The following TMEM269 variants were observed in gnomAD, a reference collection of about 807,000 sequenced individuals.
TMEM269 encodes the protein transmembrane protein 269.
A neutral mutation model predicts 15.8 loss-of-function variants in TMEM269; 12 were observed. The observed-to-expected ratio is 0.76, with a 90% CI of 0.49 to 1.23. TMEM269 has a LOEUF of 1.23. Ranked by LOEUF, TMEM269 falls within the 50% of genes most tolerant of loss-of-function variation. The pLI, the probability that TMEM269 is intolerant of heterozygous loss-of-function variation, is 0.00. For missense variants in TMEM269, 211 were observed against 245.4 expected (o/e 0.86, Z 0.94); for synonymous variants, 93 against 99.3 (o/e 0.94, Z 0.38).
chr1:42,789,347 A>G, intron 1 of TMEM269: 1 of 1,194,216 alleles, frequency 8.4e-7, no homozygotes, highest in Non-Finnish European at 1.2e-6. Flanking sequence ...AGAAGGAGTG[A>G]ACTTGGACTG....
Position 42,794,614 on chromosome 1 carries a change from G to A in TMEM269, c.484+1G>A. 6.5e-7 allele frequency: 1 copy of A among 1,548,652 alleles called. No homozygotes were observed. The highest frequency in any genetic ancestry group is 8.7e-7 in the Non-Finnish European group (1 of 1,145,138). On this transcript the variant is annotated splice_donor_variant, in intron 5 of 5. Coordinates refer to ENST00000637012, the MANE Select transcript of TMEM269 (RefSeq NM_001354602.2). LOFTEE classifies it high-confidence loss of function. ...TGGAAAAAATTGGTTTATATAGGAG[G>A]TGAGTGAAAATGTCACTATGGCCAG...
chr1:42,785,910 TACAC>T, intron 1 of TMEM269, among the ~76,000 whole-genome samples: 1 of 152,342 alleles, frequency 6.6e-6, no homozygotes, highest in East Asian at 1.9e-4. Flanking sequence ...CACTTGTCCC[TACAC>T]ACAGCTGCCT....
Position 42,797,036 on chromosome 1 carries a change from T to G in TMEM269, c.485-1062T>G, listed in dbSNP as rs1485883317. Among the ~76,000 whole-genome samples the G allele has an allele frequency of 4.6e-5, 7 of 152,104 alleles. No homozygotes were observed. Among genetic ancestry groups the G allele is most frequent in the Non-Finnish European group, 1.5e-5 (1 of 68,030 alleles). On this transcript the variant is annotated intron_variant, in intron 5 of 5. Coordinates refer to ENST00000637012, the MANE Select transcript of TMEM269 (RefSeq NM_001354602.2). This position sits in a 1 kb window ranked among gnomAD's most constrained non-coding sequence, Gnocchi z 4.9. ...CTGTTTCTTCTTATGAAAAACAGACTTAGTTCTAAACCACGGGATTATTGT... is the reference window on the plus strand; with the variant it reads ...CTGTTTCTTCTTATGAAAAACAGACGTAGTTCTAAACCACGGGATTATTGT...
chr1:42,787,790 G>T (rs1653572625), intron 1 of TMEM269, among the ~76,000 whole-genome samples: 1 of 152,198 alleles, frequency 6.6e-6, no homozygotes, highest in Admixed American at 6.5e-5. Context: ...CAGCAGCAAT[G>T]CTTGACAGGT....
chr1:42,786,532 A>G (rs1424936749), intron 1 of TMEM269, among the ~76,000 whole-genome samples: 1 of 152,212 alleles, frequency 6.6e-6, no homozygotes, highest in Admixed American at 6.5e-5. Context: ...CTGGCATACC[A>G]AACGCAGGAG....
In TMEM269 at chr1:42,798,329, A is replaced by G; in HGVS notation, c.*104A>G. 7.2e-7 allele frequency: 1 copy of G among 1,398,276 alleles called. No individual in the cohort carries two copies. Among genetic ancestry groups the G allele is most frequent in the South Asian group, 1.3e-5 (1 of 75,950 alleles). 86.6% of individuals were successfully genotyped at this position (1,398,276 alleles called of 1,614,324 possible). On this transcript the variant is annotated 3_prime_UTR_variant, in exon 6 of 6. Coordinates refer to ENST00000637012, the MANE Select transcript of TMEM269 (RefSeq NM_001354602.2). ...GCTTTGTATGTACCTGTGTTGCCAT[A>G]TACTAGATATATGGTATGTCTGTTG...
Position 42,786,700 on chromosome 1 carries a change from C to T in TMEM269, c.-99+1618C>T, listed in dbSNP as rs144173248. ...GGTGCTCCATTAGTAGCCCGGTCGCCTCTTTTCTGTGCAGGGTTAGGTACT... is the reference window on the plus strand; with the variant it reads ...GGTGCTCCATTAGTAGCCCGGTCGCTTCTTTTCTGTGCAGGGTTAGGTACT... On this transcript the variant is annotated intron_variant, in intron 1 of 5. Transcript: ENST00000637012. Among the ~76,000 whole-genome samples the T allele has an allele frequency of 3.1e-4, 47 of 152,324 alleles. 2 individuals are homozygous for T. In the Middle Eastern group the frequency reaches 0.027, roughly 88 times the overall value.
At chr1:42,789,341 G>A in intron 1 of TMEM269, 1 of 1,096,744 alleles carries the variant, frequency 9.1e-7, no homozygotes, top group Non-Finnish European at 1.3e-6. Context: ...TGCTTCAGAA[G>A]GAGTGAACTT....
rs903040217 is a variant in TMEM269, at chr1:42,797,358, C to G, written c.485-740C>G. ...AGAGTCCTCTCCCAGTAGAGTCACA[C>G]GAGATGCACTTAATTCCTCAGCACT... On this transcript the variant is annotated intron_variant, in intron 5 of 5. Transcript: ENST00000637012. This position sits in a 1 kb window ranked among gnomAD's most constrained non-coding sequence, Gnocchi z 4.9. Among the ~76,000 whole-genome samples the G allele has an allele frequency of 6.6e-6, 1 of 152,106 alleles. No individual in the cohort carries two copies. Among genetic ancestry groups the G allele is most frequent in the East Asian group, 1.9e-4 (1 of 5,196 alleles).
intron 1 of TMEM269, 143 bp downstream of exon 1, chr1:42,785,225 A>ACCACGTCCCATCCCCAGAGGC (rs1653517897): frequency 6.6e-6 from 1 of 152,166 alleles, no homozygotes; most frequent in Non-Finnish European, 1.5e-5. Flanking sequence ...GGGCCAGGGG[A>ACCACGTCCCATCCCCAGAGGC]CCACGTCCCA....
At chr1:42,791,281 T>G (rs1192031880) in intron 2 of TMEM269, among the ~76,000 whole-genome samples, 1 of 152,182 alleles carries the variant, frequency 6.6e-6, no homozygotes. Flanking sequence ...CATCCAACCA[T>G]GCAGAGTACA....
chr1:42,796,189 TCTC>T (rs1447472845), intron 5 of TMEM269, among the ~76,000 whole-genome samples: 2 of 152,180 alleles, frequency 1.3e-5, no homozygotes, highest in South Asian at 2.1e-4. Flanking sequence ...GCCTCGCCCT[TCTC>T]CTCCACCTCC....
chr1:42,792,299 A>G (rs773366876), intron 2 of TMEM269, among the ~76,000 whole-genome samples: 1 of 152,226 alleles, frequency 6.6e-6, no homozygotes, highest in African/African-American at 2.4e-5. Context: ...CTTAAAAGAC[A>G]TAAGTTACCA....
At chr1:42,795,801 C>T (rs753366510) in intron 5 of TMEM269, among the ~76,000 whole-genome samples, 3 of 152,216 alleles carry the variant, frequency 2.0e-5, no homozygotes, top group South Asian at 2.1e-4. Context: ...TCCAGAGTTC[C>T]TTCCATTATT....
At position 42,793,575 on chromosome 1, in the gene TMEM269, T is replaced by C; in HGVS notation, c.140-26T>C. ...GTGCAAGACGTGGGAGTATAAGTTC[T>C]TCTAACCTTGGGCCGTCTGGGGCAG... On this transcript the variant is annotated intron_variant, in intron 3 of 5. Coordinates refer to ENST00000637012, the MANE Select transcript of TMEM269 (RefSeq NM_001354602.2). 3.9e-6 allele frequency: 6 copies of C among 1,542,110 alleles called. No individual in the cohort carries two copies. The South Asian group carries it at 7.3e-5, about 19-fold the overall frequency.
intron 1 of TMEM269, among the ~76,000 whole-genome samples, chr1:42,787,247 C>T (rs1053298616): frequency 2.0e-5 from 3 of 152,196 alleles, no homozygotes; most frequent in Admixed American, 6.5e-5. Flanking sequence ...CTGGTGTGAC[C>T]TTGAGCTAGG....
At chr1:42,792,326 A>G (rs1186742051) in intron 2 of TMEM269, among the ~76,000 whole-genome samples, 1 of 152,232 alleles carries the variant, frequency 6.6e-6, no homozygotes, top group East Asian at 1.9e-4. Flanking sequence ...ACACAAGGAG[A>G]AACAGGTCAT....
Position 42,789,208 on chromosome 1 carries a change from C to G in TMEM269, c.-98-588C>G, listed in dbSNP as rs915899162. The G allele has an allele frequency of 2.9e-5, 16 of 553,880 alleles. No individual in the cohort carries two copies. The African/African-American group carries it at 3.0e-4, about 10-fold the overall frequency. 34.3% of individuals were successfully genotyped at this position (553,880 alleles called of 1,614,324 possible). Reference sequence around the variant, plus strand: ...AAAGTGCTGGGATTACAGGCATGAGCCACCGTGTCCGGCTACACATTCAGT... The same window carrying G: ...AAAGTGCTGGGATTACAGGCATGAGGCACCGTGTCCGGCTACACATTCAGT... On this transcript the variant is annotated intron_variant, in intron 1 of 5. Coordinates refer to ENST00000637012, the MANE Select transcript of TMEM269 (RefSeq NM_001354602.2).
In TMEM269 at chr1:42,794,633, T is replaced by C; in HGVS notation, c.484+20T>C. The C allele has an allele frequency of 6.6e-7, 1 of 1,518,910 alleles. No homozygotes were observed. The highest frequency in any genetic ancestry group is 8.9e-7 in the Non-Finnish European group (1 of 1,117,962). 94.1% of individuals were successfully genotyped at this position (1,518,910 alleles called of 1,614,324 possible). A position where few individuals can be genotyped will look rare whatever the true frequency, so the allele number is the denominator to read the frequency against. On this transcript the variant is annotated intron_variant, in intron 5 of 5. Coordinates refer to ENST00000637012, the MANE Select transcript of TMEM269 (RefSeq NM_001354602.2). ...TAGGAGGTGAGTGAAAATGTCACTA[T>C]GGCCAGTTTGTTATCACAGTTGCTT... is the stretch of plus-strand genomic sequence containing the variant.
Sources: allele counts gnomAD v4.1 joint callset (sites outside exome capture counted in the v4.1 genomes callset), GRCh38; gene constraint gnomAD v4.1.1; non-coding constraint Gnocchi (gnomAD v3.1); transcripts MANE v1.5; gene names NCBI Gene and HGNC (gene_info 2026-07-23, HGNC 2026-07-21).